The following ZNF329 variants were observed in gnomAD, a reference collection of about 807,000 sequenced individuals.
ZNF329 encodes the protein zinc finger protein 329.
Under a neutral mutation model 26.6 loss-of-function variants are expected in ZNF329, and 15 were observed. The observed-to-expected ratio is 0.56, with a 90% CI of 0.38 to 0.87. ZNF329 has a LOEUF of 0.87. ZNF329 is among the 40% of genes least tolerant of loss of function. The pLI, the probability that ZNF329 is intolerant of heterozygous loss-of-function variation, is 0.00. For synonymous variants in ZNF329, 239 were observed against 233.5 expected, an observed-to-expected ratio of 1.02 and a Z score of -0.21; for missense variants, 651 against 651.9, an observed-to-expected ratio of 1.00 and a Z score of 0.02.
Position 58,146,302 on chromosome 19 carries a change from C to T in ZNF329, c.-207-3104G>A, listed in dbSNP as rs144103850. Among the ~76,000 whole-genome samples the T allele has an allele frequency of 6.7e-3, 1,013 of 152,192 alleles. 5 individuals are homozygous for T. Among genetic ancestry groups the T allele is most frequent in the Non-Finnish European group, 0.01 (681 of 68,002 alleles). On this transcript the variant is annotated intron_variant, in intron 1 of 3. Coordinates refer to ENST00000598312, the MANE Select transcript of ZNF329 (RefSeq NM_024620.4). ...CAGCCTGGCCAACATGGCGGAACCC[C>T]GTCTCTACTAAAAATACAAATATTA... is the stretch of plus-strand genomic sequence containing the variant.
rs1372166802 is a variant in ZNF329, at chr19:58,127,908, T to C, written c.1596A>G (p.Ala532=). 3 of 1,605,250 alleles carry C rather than the reference T, an allele frequency of 1.9e-6. No homozygotes were observed. In the Admixed American group the frequency reaches 5.1e-5, roughly 27 times the overall value. The change falls in exon 4 of 4, where the codon GCA becomes GCG. Residue 532 remains alanine (A), a synonymous_variant. Coordinates refer to ENST00000598312, the MANE Select transcript of ZNF329 (RefSeq NM_024620.4). ...KSSSLVRHQR[A]HLGEQPMET ...TTTCCATGGGTTGCTCTCCCAGGTG[T>C]GCTCTTTGATGTCGAACAAGGGATG...
intron 1 of ZNF329, among the ~76,000 whole-genome samples, chr19:58,147,853 G>A (rs2075360658): frequency 6.6e-6 from 1 of 151,146 alleles, no homozygotes; most frequent in Non-Finnish European, 1.5e-5. Flanking sequence ...ACTGGGAAGT[G>A]AGGAGCCCCT....
chr19:58,137,998 T>G (rs2146093303), intron 3 of ZNF329, among the ~76,000 whole-genome samples: 1 of 151,976 alleles, frequency 6.6e-6, no homozygotes, highest in South Asian at 2.1e-4. Flanking sequence ...ATAAAATTTT[T>G]TAAAAAGCAA....
rs2074860607 is a variant in ZNF329, at chr19:58,128,688, T to C, written c.816A>G (p.Ser272=). ...GAATTCTCTGGTGCTGTGTCAGAGC[T>C]GAGCCATCACTGAAAGCTTTCCCAC... ...SKCGKAFSDG[S]ALTQHQRIHT... The change falls in exon 4 of 4, where the codon TCA becomes TCG. Residue 272 remains serine, a synonymous_variant. Transcript: ENST00000598312. 6.2e-7 allele frequency: 1 copy of C among 1,605,772 alleles called. No homozygotes were observed. Among genetic ancestry groups the C allele is most frequent in the Non-Finnish European group, 8.5e-7 (1 of 1,176,058 alleles).
At chr19:58,133,458 C>T (rs908030498) in intron 3 of ZNF329, among the ~76,000 whole-genome samples, 16 of 151,792 alleles carry the variant, frequency 1.1e-4, no homozygotes, top group African/African-American at 3.6e-4. Flanking sequence ...TGGTGGCATG[C>T]GCCTGTTAGT....
At chr19:58,146,526 C>G (rs143323860) in intron 1 of ZNF329, among the ~76,000 whole-genome samples, 1,192 of 70,424 alleles carry the variant, frequency 0.017, 13 homozygotes, top group African/African-American at 0.06. Flanking sequence ...AGTCCCTCTC[C>G]CTCTCCCCCT....
intron 3 of ZNF329, among the ~76,000 whole-genome samples, chr19:58,139,357 G>A (rs1027739155): frequency 6.6e-6 from 1 of 152,186 alleles, no homozygotes; most frequent in African/African-American, 2.4e-5. Context: ...GAAGGATCTT[G>A]TCTTAGTCTG....
intron 1 of ZNF329, among the ~76,000 whole-genome samples, chr19:58,147,579 C>T (rs1484472410): frequency 4.2e-5 from 6 of 144,442 alleles, no homozygotes; most frequent in South Asian, 2.1e-4. Context: ...CCAGCCGCCC[C>T]GTCCGGGAGG....
intron 3 of ZNF329, among the ~76,000 whole-genome samples, chr19:58,130,615 A>G (rs2074917215): frequency 1.4e-5 from 2 of 143,908 alleles, no homozygotes; most frequent in East Asian, 2.2e-4. Flanking sequence ...CGGAGCTTGC[A>G]GTGAGCCAAG....
Position 58,147,643 on chromosome 19 carries a change from T to TG in ZNF329, c.-208+3108dup, listed in dbSNP as rs1279079093. 7.1e-5 allele frequency among the ~76,000 whole-genome samples: 9 copies of TG among 126,634 alleles called. No homozygotes were observed. The East Asian group carries it at 1.5e-3, about 21-fold the overall frequency. 83.1% of individuals were successfully genotyped at this position (126,634 alleles called of 152,430 possible). ...CCAGACGCCCCGTCCAGGAGGGAGG[T>TG]GGGGGGCCAGCCCCCCGCCCGGCCA... On this transcript the variant is annotated intron_variant, in intron 1 of 3. Coordinates refer to ENST00000598312, the MANE Select transcript of ZNF329 (RefSeq NM_024620.4).
In ZNF329 at chr19:58,128,817, C is replaced by T; in HGVS notation, c.687G>A (p.Lys229=). The stretch of plus-strand genomic sequence containing the variant: ...TTCCACACTCATTACAAGTATAAGG[C>T]TTCTCTCCGGTGTGAGTTCGGTGAT... ...VLHHRTHTGE[K]PYTCNECGKS... is the part of the protein sequence containing the mutation. The change falls in exon 4 of 4, where the codon AAG becomes AAA. Residue 229 remains lysine (K), a synonymous_variant. Transcript: ENST00000598312. 1 of 1,605,952 alleles carries T rather than the reference C, an allele frequency of 6.2e-7. No homozygotes were observed. Among genetic ancestry groups the T allele is most frequent in the African/African-American group, 1.3e-5 (1 of 74,578 alleles).
In ZNF329 at chr19:58,128,173, C is replaced by T; in HGVS notation, c.1331G>A (p.Arg444Lys). The change falls in exon 4 of 4, where the codon AGG (arginine) becomes AAG (lysine). Residue 444 changes from arginine (R) to lysine (K), a missense_variant. Physicochemically the swap from Arg to Lys is conservative, Grantham distance 26. Transcript: ENST00000598312. ...CTCACCAGTATGAGTCCTCTGGTGC[C>T]TAATGAGGCCAGCGATATTCCTGAA... ...KLFRNIAGLI[R>K]HQRTHTGEKP... 1 of 1,586,000 alleles carries T rather than the reference C, an allele frequency of 6.3e-7. No homozygotes were observed.
At chr19:58,154,399 G>A (rs1043159066), upstream of ZNF329, among the ~76,000 whole-genome samples, 4 of 152,156 alleles carry the variant, frequency 2.6e-5, no homozygotes, top group African/African-American at 7.2e-5. Flanking sequence ...TGCGCCCAGG[G>A]ATAAAGAGCC....
intron 3 of ZNF329, chr19:58,137,196 T>G (rs2075090874): frequency 6.6e-6 from 1 of 152,124 alleles, no homozygotes; most frequent in Admixed American, 6.6e-5. Flanking sequence ...ACTGTTCAAT[T>G]TACAACTTAT....
intron 3 of ZNF329, chr19:58,132,147 G>A (rs1427939243): frequency 6.6e-6 from 1 of 152,072 alleles, no homozygotes; most frequent in African/African-American, 2.4e-5. Flanking sequence ...CACATTTCAC[G>A]TGAGTAAAAA....
chr19:58,135,424 C>T (rs1015522869), intron 3 of ZNF329, among the ~76,000 whole-genome samples: 5 of 152,180 alleles, frequency 3.3e-5, no homozygotes, highest in Admixed American at 1.3e-4. Flanking sequence ...CCCACCACTA[C>T]GCCAGCTAAT....
At chr19:58,148,742 C>T (rs1418154218) in intron 1 of ZNF329, among the ~76,000 whole-genome samples, 1 of 152,096 alleles carries the variant, frequency 6.6e-6, no homozygotes, top group African/African-American at 2.4e-5. Flanking sequence ...GAGATCCTGG[C>T]TGAAGTATTT....
At chr19:58,145,130 T>A (rs2146118300) in intron 1 of ZNF329, among the ~76,000 whole-genome samples, 1 of 150,738 alleles carries the variant, frequency 6.6e-6, no homozygotes, top group East Asian at 2.0e-4. Flanking sequence ...ATTACAGGCG[T>A]GAGCCACCGC....
chr19:58,154,013 T>C (rs943588350), upstream of ZNF329, among the ~76,000 whole-genome samples: 24 of 151,908 alleles, frequency 1.6e-4, no homozygotes, highest in Non-Finnish European at 2.1e-4. Flanking sequence ...GTGATTTTTT[T>C]TTTTTTTTGA....
Sources: allele counts gnomAD v4.1 joint callset (sites outside exome capture counted in the v4.1 genomes callset), GRCh38; gene constraint gnomAD v4.1.1; transcripts MANE v1.5; gene names NCBI Gene and HGNC (gene_info 2026-07-23, HGNC 2026-07-21).